The following PLEKHM3 variants were observed in gnomAD, a reference collection of about 807,000 sequenced individuals.
The protein encoded by PLEKHM3 is pleckstrin homology domain containing M3, also known as pleckstrin homology domain-containing family M member 3.
PLEKHM3 carries 45 observed loss-of-function variants against 81.8 expected under a neutral mutation model. That is an observed-to-expected ratio of 0.55 (90% CI 0.43 to 0.71). The LOEUF is 0.71. Among genes scored for constraint, PLEKHM3 ranks in the 30% least tolerant of loss-of-function variants. PLEKHM3 has a pLI of 0.00. For missense variants in PLEKHM3, 788 were observed against 924.3 expected, an observed-to-expected ratio of 0.85 and a Z score of 1.91; for synonymous variants, 352 against 356.4, an observed-to-expected ratio of 0.99 and a Z score of 0.14.
At chr2:207,994,933 C>T (rs1692021183) in intron 2 of PLEKHM3, among the ~76,000 whole-genome samples, 1 of 152,142 alleles carries the variant, frequency 6.6e-6, no homozygotes, top group Non-Finnish European at 1.5e-5. Context: ...AAGGCAATCT[C>T]CCAAGTAAGA....
At position 207,826,541 on chromosome 2, in the gene PLEKHM3, G is replaced by A. The variant is rs1302658911; in HGVS notation, c.*1778C>T. 2 of 152,246 alleles carry A rather than the reference G, an allele frequency of 1.3e-5. No homozygotes were observed. Among genetic ancestry groups the A allele is most frequent in the Admixed American group, 6.5e-5 (1 of 15,284 alleles). 9.4% of individuals were successfully genotyped at this position (152,246 alleles called of 1,614,324 possible). A position where few individuals can be genotyped will look rare whatever the true frequency, so the allele number is the denominator to read the frequency against. On this transcript the variant is annotated 3_prime_UTR_variant, in exon 8 of 8. Transcript: ENST00000427836. ...GTCAGAAAATAAATGCATGTATGGT[G>A]TTGAGCTATTAAGGTGAAATGTGTG...
Position 207,824,609 on chromosome 2 carries a change from G to A in PLEKHM3, c.*3710C>T, listed in dbSNP as rs1170274804. On this transcript the variant is annotated 3_prime_UTR_variant, in exon 8 of 8. Transcript: ENST00000427836. ...TTATGGACGGCCTTTTCTAGCCAAT[G>A]GGTAGAGAACAAACTCCCAGGTTTG... 6.6e-6 allele frequency: 1 copy of A among 152,242 alleles called. No homozygotes were observed. The highest frequency in any genetic ancestry group is 6.5e-5 in the Admixed American group (1 of 15,288). The allele number at this position is 152,242 out of a possible 1,614,324, so 9.4% of individuals were successfully genotyped here. A position where few individuals can be genotyped will look rare whatever the true frequency, so the allele number is the denominator to read the frequency against.
intron 6 of PLEKHM3, among the ~76,000 whole-genome samples, chr2:207,890,149 T>C (rs572989911): frequency 5.9e-5 from 9 of 152,178 alleles, no homozygotes; most frequent in Non-Finnish European, 8.8e-5. Flanking sequence ...TTAGTGCTCA[T>C]AATTCTTGTC....
chr2:207,860,661 T>G (rs1453896975), intron 7 of PLEKHM3, among the ~76,000 whole-genome samples: 2 of 152,202 alleles, frequency 1.3e-5, no homozygotes, highest in African/African-American at 4.8e-5. Flanking sequence ...TGCATGCATC[T>G]GCGGAGAAAA....
chr2:207,884,111 C>A (rs890939414), intron 6 of PLEKHM3, among the ~76,000 whole-genome samples: 1 of 152,038 alleles, frequency 6.6e-6, no homozygotes, highest in African/African-American at 2.4e-5. Context: ...CCACTCTGGG[C>A]AACATAGCGA....
intron 7 of PLEKHM3, among the ~76,000 whole-genome samples, chr2:207,830,514 G>A (rs2092280284): frequency 6.6e-6 from 1 of 151,804 alleles, no homozygotes; most frequent in Admixed American, 6.6e-5. Context: ...TCGGGAGGCT[G>A]AGGCAGGAGA....
intron 2 of PLEKHM3, among the ~76,000 whole-genome samples, chr2:207,986,853 T>G (rs1329426129): frequency 6.7e-6 from 1 of 148,498 alleles, no homozygotes; most frequent in Non-Finnish European, 1.5e-5. Context: ...TTTTTTTTTT[T>G]TTTTTTTGTA....
At chr2:207,861,677 C>T (rs772061573) in intron 6 of PLEKHM3, among the ~76,000 whole-genome samples, 1 of 152,110 alleles carries the variant, frequency 6.6e-6, no homozygotes, top group African/African-American at 2.4e-5. Flanking sequence ...TACCTTTTCT[C>T]TGATGAATTA....
At chr2:207,855,263 G>A (rs966469310) in intron 7 of PLEKHM3, among the ~76,000 whole-genome samples, 2 of 152,144 alleles carry the variant, frequency 1.3e-5, no homozygotes, top group Admixed American at 1.3e-4. Flanking sequence ...ATCCCATAAT[G>A]GGTGGGGTAT....
chr2:207,892,433 C>T (rs1308051893), intron 6 of PLEKHM3, among the ~76,000 whole-genome samples: 2 of 152,174 alleles, frequency 1.3e-5, no homozygotes, highest in Admixed American at 1.3e-4. Flanking sequence ...CACTGTTAAC[C>T]ATTTCATGGG....
intron 3 of PLEKHM3, among the ~76,000 whole-genome samples, chr2:207,973,898 G>T (rs1691211960): frequency 6.6e-6 from 1 of 150,984 alleles, no homozygotes; most frequent in African/African-American, 2.4e-5. Flanking sequence ...CTTTTTTTTT[G>T]GAATGTGCCA....
chr2:207,944,160 G>A (rs112694744), intron 4 of PLEKHM3, among the ~76,000 whole-genome samples: 2,763 of 152,264 alleles, frequency 0.018, 34 homozygotes, highest in Non-Finnish European at 0.026. Flanking sequence ...TTAGGCAGAG[G>A]ACAAGAAATT....
At chr2:208,002,035 C>G (rs1259835982) in intron 1 of PLEKHM3, 78 bp from the exon 2 acceptor site, 1 of 191,508 alleles carries the variant, frequency 5.2e-6, no homozygotes, top group African/African-American at 2.4e-5. Context: ...GAATTGCTTT[C>G]CCACCTCTAT....
chr2:207,873,055 G>T (rs188681710), intron 6 of PLEKHM3, among the ~76,000 whole-genome samples: 1 of 152,148 alleles, frequency 6.6e-6, no homozygotes, highest in Non-Finnish European at 1.5e-5. Context: ...TAAGAGTTAG[G>T]AGAGACATGA....
At chr2:207,984,929 T>A (rs1294972034) in intron 2 of PLEKHM3, among the ~76,000 whole-genome samples, 1 of 152,136 alleles carries the variant, frequency 6.6e-6, no homozygotes, top group East Asian at 1.9e-4. Context: ...TACTTGGACC[T>A]CAAGGTTCAG....
chr2:208,001,111 A>G lies in PLEKHM3; in HGVS notation c.529T>C (p.Leu177=), dbSNP rs1440010472. The change falls in exon 2 of 8, where the codon TTG becomes CTG. Residue 177 remains leucine (L), a synonymous_variant. Coordinates refer to ENST00000427836, the MANE Select transcript of PLEKHM3 (RefSeq NM_001080475.3). The part of the protein sequence containing the change: ...PLQQQQQQQP[L]LQGPHVTRPS... Reference sequence around the variant, plus strand: ...CTGGTGACATGCGGGCCTTGAAGCAATGGCTGCTGCTGTTGCTGCTGCTGC... The same window carrying G: ...CTGGTGACATGCGGGCCTTGAAGCAGTGGCTGCTGCTGTTGCTGCTGCTGC... The G allele has an allele frequency of 1.0e-5, 16 of 1,593,484 alleles. No individual in the cohort carries two copies. The highest frequency in any genetic ancestry group is 1.3e-5 in the African/African-American group (1 of 74,228).
intron 2 of PLEKHM3, among the ~76,000 whole-genome samples, chr2:207,978,911 T>A (rs545842401): frequency 1.3e-5 from 2 of 152,356 alleles, no homozygotes; most frequent in South Asian, 4.1e-4. Context: ...GTCTTAAATT[T>A]TTTTTAAGGC....
chr2:207,865,794 AAAAAAAAAGATATATAT>A lies in PLEKHM3; in HGVS notation c.1951-4549_1951-4533del, dbSNP rs1426048366. 2.1e-4 allele frequency among the ~76,000 whole-genome samples: 9 copies of A among 43,856 alleles called. 1 individual carries two copies. Among genetic ancestry groups the A allele is most frequent in the African/African-American group, 9.9e-4 (8 of 8,090 alleles). The allele number at this position is 43,856 out of a possible 152,430, so 28.8% of individuals were successfully genotyped here. A position where few individuals can be genotyped will look rare whatever the true frequency, so the allele number is the denominator to read the frequency against. On this transcript the variant is annotated intron_variant, in intron 6 of 7. Transcript: ENST00000427836. ...AAAACTCCGACTCAAAAAAAAAAAA[AAAAAAAAAGATATATAT>A]ATATATATATATATATATATATATA...
At chr2:207,835,937 T>C (rs181171353) in intron 7 of PLEKHM3, among the ~76,000 whole-genome samples, 1 of 152,292 alleles carries the variant, frequency 6.6e-6, no homozygotes, top group East Asian at 1.9e-4. Flanking sequence ...TATGTGGAAA[T>C]ATGTTTGTGT....
Sources: gnomAD v4.1 joint callset for allele counts (sites outside exome capture counted in the v4.1 genomes callset) on GRCh38, gnomAD v4.1.1 for gene constraint, MANE v1.5 for transcripts, NCBI Gene and HGNC (gene_info 2026-07-23, HGNC 2026-07-21) for gene names.